The following MCC variants were observed in gnomAD, a reference collection of about 807,000 sequenced individuals.
The protein encoded by MCC is MCC regulator of Wnt signaling pathway, also known as colorectal mutant cancer protein.
A neutral mutation model predicts 116.2 loss-of-function variants in MCC; 90 were observed. The ratio of observed to expected loss-of-function variants is 0.77; its 90% confidence interval spans 0.65 to 0.92. The LOEUF is 0.92. Ranked by LOEUF, MCC falls within the 40% of genes least tolerant of loss-of-function variation. The probability of loss-of-function intolerance (pLI) is 0.00; values close to 1 mark genes in which losing one functional copy is unlikely to be tolerated. For synonymous variants in MCC, 578 were observed against 510.5 expected, an observed-to-expected ratio of 1.13 and a Z score of -1.78; for missense variants, 1,516 against 1,312.2, an observed-to-expected ratio of 1.16 and a Z score of -2.40.
chr5:113,210,015 T>G (rs948151904), intron 3 of MCC, among the ~76,000 whole-genome samples: 7 of 152,236 alleles, frequency 4.6e-5, no homozygotes, highest in Non-Finnish European at 8.8e-5. Context: ...TCCACCTGAC[T>G]TAAAGGACCT....
At chr5:113,177,444 G>A (rs1019910862) in intron 3 of MCC, among the ~76,000 whole-genome samples, 2 of 152,156 alleles carry the variant, frequency 1.3e-5, no homozygotes, top group Admixed American at 1.3e-4. Context: ...TTTCAGCAAT[G>A]GTTAGGAAAC....
intron 1 of MCC, chr5:113,435,114 G>A: frequency 2.3e-6 from 1 of 437,950 alleles, no homozygotes; most frequent in Admixed American, 3.6e-5. Flanking sequence ...TGGCCAGTAG[G>A]CTGGAGCAGA....
intron 1 of MCC, among the ~76,000 whole-genome samples, chr5:113,406,724 A>C (rs1204301114): frequency 6.6e-6 from 1 of 152,238 alleles, no homozygotes; most frequent in Non-Finnish European, 1.5e-5. Flanking sequence ...GTAAAAGATA[A>C]TGTTTACATT....
chr5:113,292,798 T>C (rs1766558802), intron 3 of MCC, among the ~76,000 whole-genome samples: 1 of 152,210 alleles, frequency 6.6e-6, no homozygotes, highest in African/African-American at 2.4e-5. Flanking sequence ...AAAGAGTCTC[T>C]GCAAAAGAAA....
At chr5:113,205,094 CA>C (rs1484397236) in intron 3 of MCC, among the ~76,000 whole-genome samples, 2 of 152,198 alleles carry the variant, frequency 1.3e-5, no homozygotes, top group Non-Finnish European at 2.9e-5. Flanking sequence ...ATGCCAGTCT[CA>C]GTTTTTTCCT....
At chr5:113,294,674 C>T in intron 3 of MCC, 1 of 1,054,216 alleles carries the variant, frequency 9.5e-7, no homozygotes, top group Non-Finnish European at 1.1e-6. Flanking sequence ...CCGCGCGCAC[C>T]CAGCGCCCCG....
intron 3 of MCC, among the ~76,000 whole-genome samples, chr5:113,200,492 G>T (rs571040370): frequency 6.6e-6 from 1 of 152,010 alleles, no homozygotes; most frequent in Non-Finnish European, 1.5e-5. Flanking sequence ...AAACAGTGGT[G>T]GTAGGGGTTC....
chr5:113,222,349 A>C (rs1038035633), intron 3 of MCC, among the ~76,000 whole-genome samples: 1 of 152,198 alleles, frequency 6.6e-6, no homozygotes, highest in East Asian at 1.9e-4. Context: ...ATCCATGTTC[A>C]CAAAGATATT....
intron 4 of MCC, 23 bp from the exon 5 acceptor site, chr5:113,143,383 G>A (rs1318346138): frequency 6.2e-6 from 10 of 1,613,096 alleles, no homozygotes; most frequent in Non-Finnish European, 8.5e-6. Context: ...GAAAAGGACA[G>A]AAGTGCTGAT....
intron 8 of MCC, among the ~76,000 whole-genome samples, chr5:113,098,987 C>T (rs1347923267): frequency 1.3e-5 from 2 of 152,142 alleles, no homozygotes; most frequent in Admixed American, 6.5e-5. Context: ...AAGACAATGA[C>T]AACCACGAAG....
intron 17 of MCC, among the ~76,000 whole-genome samples, chr5:113,039,776 G>T (rs1162322249): frequency 8.3e-6 from 1 of 120,100 alleles, no homozygotes; most frequent in Non-Finnish European, 1.6e-5. Context: ...TGCCTCCCAA[G>T]AATATGACGG....
intron 1 of MCC, among the ~76,000 whole-genome samples, chr5:113,390,650 G>A (rs1009227150): frequency 6.6e-6 from 1 of 152,118 alleles, no homozygotes; most frequent in South Asian, 2.1e-4. Context: ...GCCTAACCTT[G>A]GGGATGTATA....
At chr5:113,095,756 C>T (rs1755967483) in intron 8 of MCC, among the ~76,000 whole-genome samples, 1 of 151,950 alleles carries the variant, frequency 6.6e-6, no homozygotes. Flanking sequence ...GTGATTTAGG[C>T]TTTGAGTAAG....
chr5:113,256,911 G>C (rs766195274), intron 3 of MCC, among the ~76,000 whole-genome samples: 4 of 152,116 alleles, frequency 2.6e-5, no homozygotes, highest in Non-Finnish European at 4.4e-5. Context: ...ACCATTCTGA[G>C]GGCCAGATTA....
intron 2 of MCC, among the ~76,000 whole-genome samples, chr5:113,358,097 C>A (rs192893163): frequency 3.3e-5 from 5 of 152,280 alleles, no homozygotes; most frequent in African/African-American, 1.2e-4. Context: ...TGCTGCAGAC[C>A]CATATAGACT....
intron 1 of MCC, among the ~76,000 whole-genome samples, chr5:113,458,554 A>T (rs164253): frequency 0.33 from 49,941 of 152,090 alleles, 10,276 homozygotes; most frequent in East Asian, 0.6. Flanking sequence ...AGACACAATA[A>T]TGCTTCCCAG....
intron 1 of MCC, among the ~76,000 whole-genome samples, chr5:113,415,219 T>C (rs539016801): frequency 2.0e-5 from 3 of 152,292 alleles, no homozygotes; most frequent in Non-Finnish European, 2.9e-5. Context: ...TCATTTCAAC[T>C]TTGGTGAATC....
chr5:113,378,020 A>G (rs1450638406), intron 2 of MCC, among the ~76,000 whole-genome samples: 2 of 152,222 alleles, frequency 1.3e-5, no homozygotes, highest in African/African-American at 4.8e-5. Flanking sequence ...TTAACAATGA[A>G]ATCTAATAGT....
intron 3 of MCC, among the ~76,000 whole-genome samples, chr5:113,227,174 A>G (rs1411784231): frequency 6.6e-6 from 1 of 152,222 alleles, no homozygotes; most frequent in Non-Finnish European, 1.5e-5. Context: ...ATGGTTAACA[A>G]AAATTGCCCA....
Sources: gnomAD v4.1 joint callset for allele counts (sites outside exome capture counted in the v4.1 genomes callset) on GRCh38, gnomAD v4.1.1 for gene constraint, MANE v1.5 for transcripts, NCBI Gene and HGNC (gene_info 2026-07-23, HGNC 2026-07-21) for gene names.